LONP2: variants seen among roughly 807,000 people sequenced by gnomAD.
LONP2 encodes the protein lon protease homolog 2, peroxisomal.
Under a neutral mutation model 85.6 loss-of-function variants are expected in LONP2, and 60 were observed. The ratio of observed to expected loss-of-function variants is 0.70; its 90% CI spans 0.57 to 0.87. The LOEUF (loss-of-function observed/expected upper bound fraction) is 0.87. Among genes scored for constraint, LONP2 ranks in the 40% least tolerant of loss-of-function variants. The probability of loss-of-function intolerance (pLI) is 0.00; values close to 1 mark genes in which losing one functional copy is unlikely to be tolerated. For synonymous variants in LONP2, 395 were observed against 389.7 expected (o/e 1.01, Z -0.16); for missense variants, 860 against 1,063.5 (o/e 0.81, Z 2.66).
intron 5 of LONP2, 140 bp downstream of exon 5, chr16:48,261,727 A>C: frequency 1.8e-6 from 1 of 556,500 alleles, no homozygotes; most frequent in Non-Finnish European, 3.0e-6. Context: ...AGGCAATATA[A>C]CTCTTGCAGC....
At chr16:48,312,812 C>A (rs1373888458) in intron 11 of LONP2, among the ~76,000 whole-genome samples, 2 of 152,142 alleles carry the variant, frequency 1.3e-5, no homozygotes, top group African/African-American at 4.8e-5. Context: ...GCAATAGTGG[C>A]AGTAGGGTGA....
chr16:48,258,741 G>T lies in LONP2; in HGVS notation c.723+1G>T, dbSNP rs781691966. 5 of 1,590,184 alleles carry T rather than the reference G, an allele frequency of 3.1e-6. No individual in the cohort carries two copies. Among genetic ancestry groups the T allele is most frequent in the South Asian group, 1.2e-5 (1 of 86,100 alleles). On this transcript the variant is annotated splice_donor_variant, in intron 4 of 14. Coordinates refer to ENST00000285737, the MANE Select transcript of LONP2 (RefSeq NM_031490.5). LOFTEE classifies it high-confidence loss of function. ...ACCCAAGCAAGATGATGATAAGAGG[G>T]TAAATATTTATTTTAACCCATTTCA...
intron 12 of LONP2, among the ~76,000 whole-genome samples, chr16:48,343,526 C>T (rs755690698): frequency 3.3e-5 from 5 of 151,890 alleles, no homozygotes; most frequent in East Asian, 1.9e-4. Context: ...GTGAAACCCC[C>T]GTCTCTACTA....
intron 1 of LONP2, among the ~76,000 whole-genome samples, chr16:48,251,245 T>C (rs1270883029): frequency 6.6e-6 from 1 of 152,218 alleles, no homozygotes; most frequent in African/African-American, 2.4e-5. Flanking sequence ...GTCCTTCTAT[T>C]TTCTTTTCTG....
chr16:48,320,725 C>T (rs879440769), intron 11 of LONP2, among the ~76,000 whole-genome samples: 17 of 152,098 alleles, frequency 1.1e-4, no homozygotes, highest in African/African-American at 2.4e-4. Context: ...CTGACATTTA[C>T]ACTGATTTAC....
chr16:48,333,883 C>A (rs570694767), intron 11 of LONP2, among the ~76,000 whole-genome samples: 1 of 152,112 alleles, frequency 6.6e-6, no homozygotes, highest in Non-Finnish European at 1.5e-5. Context: ...TGAATAGTGC[C>A]GGGAATTGTT....
At chr16:48,293,516 A>G (rs972333575) in intron 8 of LONP2, among the ~76,000 whole-genome samples, 2 of 152,188 alleles carry the variant, frequency 1.3e-5, no homozygotes, top group African/African-American at 4.8e-5. Flanking sequence ...ACTTTATTCA[A>G]GGTGGGAGAC....
At chr16:48,312,889 G>A (rs1567336496) in intron 11 of LONP2, among the ~76,000 whole-genome samples, 1 of 152,156 alleles carries the variant, frequency 6.6e-6, no homozygotes, top group Non-Finnish European at 1.5e-5. Flanking sequence ...AAACTCTCAG[G>A]GGTCCTGGTC....
intron 14 of LONP2, among the ~76,000 whole-genome samples, chr16:48,348,773 C>T (rs955147690): frequency 1.3e-5 from 2 of 152,080 alleles, no homozygotes; most frequent in Non-Finnish European, 2.9e-5. Flanking sequence ...GGATTACAGG[C>T]GTGAGCCACC....
intron 7 of LONP2, among the ~76,000 whole-genome samples, chr16:48,271,040 C>T (rs867320947): frequency 2.6e-5 from 4 of 151,968 alleles, no homozygotes; most frequent in African/African-American, 7.3e-5. Context: ...ATTATGCAGG[C>T]ACAGTGGCAT....
intron 12 of LONP2, chr16:48,346,186 A>C: frequency 6.6e-6 from 1 of 152,162 alleles, no homozygotes; most frequent in Admixed American, 6.5e-5. Flanking sequence ...CATACCCAGA[A>C]AGTCAAGCTG....
chr16:48,303,227 C>G lies in LONP2; in HGVS notation c.1717C>G (p.Arg573Gly). ...GGATAGAAAACTTGGGGCCATTTGC[C>G]GAGCTGTGGCCGTGAAGGTGGCAGA... is the stretch of plus-strand genomic sequence containing the variant. The part of the protein sequence containing the change: ...SLDRKLGAIC[R>G]AVAVKVAEGQ... The change falls in exon 11 of 15, where the codon CGA becomes GGA. Residue 573 changes from arginine (R) to glycine (G), a missense_variant. This residue lies in a region of LONP2 where 743 missense variants were observed against 917.3 expected (regional missense o/e 0.81). Transcript: ENST00000285737. 6.2e-7 allele frequency: 1 copy of G among 1,614,014 alleles called. No individual in the cohort carries two copies. Among genetic ancestry groups the G allele is most frequent in the Non-Finnish European group, 8.5e-7 (1 of 1,180,020 alleles).
chr16:48,343,123 C>G (rs1391653956), intron 12 of LONP2, among the ~76,000 whole-genome samples: 1 of 152,168 alleles, frequency 6.6e-6, no homozygotes, highest in Non-Finnish European at 1.5e-5. Flanking sequence ...GTCTGATGCC[C>G]TTAGTCTCAG....
chr16:48,315,822 A>ATT (rs149899096), intron 11 of LONP2, among the ~76,000 whole-genome samples: 7 of 141,286 alleles, frequency 5.0e-5, no homozygotes, highest in African/African-American at 1.8e-4. Context: ...CCTCCTTTCT[A>ATT]TTTTTTTTTT....
chr16:48,289,082 G>A (rs1445710016), intron 8 of LONP2, among the ~76,000 whole-genome samples: 1 of 151,954 alleles, frequency 6.6e-6, no homozygotes, highest in Non-Finnish European at 1.5e-5. Flanking sequence ...TCATACCTTT[G>A]CCTATACCCT....
intron 11 of LONP2, among the ~76,000 whole-genome samples, chr16:48,315,537 G>A (rs141360054): frequency 3.3e-5 from 5 of 152,228 alleles, no homozygotes; most frequent in Middle Eastern, 3.4e-3. Flanking sequence ...TCACCCATAA[G>A]GGCAGAATCT....
intron 12 of LONP2, among the ~76,000 whole-genome samples, chr16:48,338,344 T>A (rs936063544): frequency 6.6e-6 from 1 of 152,166 alleles, no homozygotes; most frequent in Non-Finnish European, 1.5e-5. Context: ...TTGAAGTTGA[T>A]GCTATAGAGA....
intron 1 of LONP2, 128 bp downstream of exon 1, chr16:48,244,749 T>G: frequency 1.8e-6 from 1 of 565,580 alleles, no homozygotes; most frequent in East Asian, 3.6e-5. Context: ...GTTCCGCCTC[T>G]CTGGTGCTAT....
Position 48,258,708 on chromosome 16 carries a change from AC to A in LONP2, c.693del (p.Arg232GlufsTer12), listed in dbSNP as rs762138954. The A allele has an allele frequency of 6.2e-7, 1 of 1,612,486 alleles. No individual in the cohort carries two copies. Among genetic ancestry groups the A allele is most frequent in the Admixed American group, 1.7e-5 (1 of 59,752 alleles). ...TGAAGGCCTGAAATTGCTTCAAAAA[AC>A]CAGAAAACCCAAGCAAGATGATGAT... is the stretch of plus-strand genomic sequence containing the variant. ...QIEGLKLLQK[T>X]RKPKQDDDKR... On this transcript the variant is annotated frameshift_variant, in exon 4 of 15. Transcript: ENST00000285737. LOFTEE classifies it high-confidence loss of function.
Sources: allele counts gnomAD v4.1 joint callset (sites outside exome capture counted in the v4.1 genomes callset), GRCh38; gene constraint gnomAD v4.1.1; regional missense constraint gnomAD v4.1.1; transcripts MANE v1.5; gene names NCBI Gene and HGNC (gene_info 2026-07-23, HGNC 2026-07-21).